The following AUTS2 variants were observed in gnomAD, a reference collection of about 807,000 sequenced individuals.
AUTS2 encodes autism susceptibility gene 2 protein.
AUTS2 carries 17 observed loss-of-function variants against 112.4 expected under a neutral mutation model. The observed-to-expected ratio is 0.15, with a 90% confidence interval of 0.10 to 0.23. AUTS2 has a LOEUF of 0.23. Among genes scored for constraint, AUTS2 ranks in the 10% least tolerant of loss-of-function variants. AUTS2 has a pLI of 1.00. For synonymous variants in AUTS2, 751 were observed against 702.7 expected, an observed-to-expected ratio of 1.07 and a Z score of -1.09; for missense variants, 1,510 against 1,701.6, an observed-to-expected ratio of 0.89 and a Z score of 1.98.
chr7:70,602,436 A>G (rs1056405142), intron 5 of AUTS2, among the ~76,000 whole-genome samples: 9 of 152,136 alleles, frequency 5.9e-5, no homozygotes, highest in Admixed American at 6.5e-5. Context: ...TAATGATGGG[A>G]TGTTTTGATT....
chr7:70,459,206 C>T (rs1170752086), intron 5 of AUTS2, among the ~76,000 whole-genome samples: 2 of 152,122 alleles, frequency 1.3e-5, no homozygotes, highest in African/African-American at 2.4e-5. Flanking sequence ...CTTTTTTCTT[C>T]TTTGTCTCAC....
intron 1 of AUTS2, among the ~76,000 whole-genome samples, chr7:69,844,296 C>A (rs534585990): frequency 1.3e-5 from 2 of 152,112 alleles, no homozygotes; most frequent in African/African-American, 2.4e-5. Flanking sequence ...TTTTTGCCCA[C>A]CTGGTACTTA....
At chr7:69,732,313 A>G (rs765316885) in intron 1 of AUTS2, among the ~76,000 whole-genome samples, 1 of 152,074 alleles carries the variant, frequency 6.6e-6, no homozygotes, top group Non-Finnish European at 1.5e-5. Flanking sequence ...GTGTAGTTAC[A>G]CATAGGTGCT....
At chr7:69,940,550 A>G (rs554451777) in intron 2 of AUTS2, among the ~76,000 whole-genome samples, 45 of 152,270 alleles carry the variant, frequency 3.0e-4, no homozygotes, top group Non-Finnish European at 6.3e-4. Context: ...CCAAATCATG[A>G]AGTCCTCCGT....
intron 1 of AUTS2, among the ~76,000 whole-genome samples, chr7:69,678,996 A>G (rs1004844235): frequency 6.6e-6 from 1 of 152,222 alleles, no homozygotes; most frequent in African/African-American, 2.4e-5. Context: ...TTGGAAGTGG[A>G]AGAAGGGAGA....
chr7:70,025,364 C>CT (rs1042139425), intron 2 of AUTS2, among the ~76,000 whole-genome samples: 6 of 151,772 alleles, frequency 4.0e-5, no homozygotes, highest in African/African-American at 1.5e-4. Flanking sequence ...GCTTGTTTCT[C>CT]TAATATTCCC....
intron 5 of AUTS2, among the ~76,000 whole-genome samples, chr7:70,643,617 C>T (rs570193129): frequency 1.6e-4 from 24 of 152,292 alleles, no homozygotes; most frequent in Non-Finnish European, 3.1e-4. Flanking sequence ...GTTATCTTTC[C>T]TCAACCTCTG....
At position 70,553,760 on chromosome 7, in the gene AUTS2, C is replaced by CTTTTT. The variant is rs71531706; in HGVS notation, c.690+117999_690+118003dup. 2.1e-3 allele frequency among the ~76,000 whole-genome samples: 117 copies of CTTTTT among 56,118 alleles called. 2 individuals carry two copies. Among genetic ancestry groups the CTTTTT allele is most frequent in the East Asian group, 7.0e-3 (13 of 1,870 alleles). 36.8% of individuals were successfully genotyped at this position (56,118 alleles called of 152,430 possible). A position where few individuals can be genotyped will look rare whatever the true frequency, so the allele number is the denominator to read the frequency against. ...GACCTTGAGAAAGAGGCCTTTCTTT[C>CTTTTT]TTTTTTTTTTTTTTTTTTTTTTTTG... On this transcript the variant is annotated intron_variant, in intron 5 of 18. Transcript: ENST00000342771.
chr7:70,014,420 C>G (rs945973166), intron 2 of AUTS2, among the ~76,000 whole-genome samples: 1 of 152,232 alleles, frequency 6.6e-6, no homozygotes, highest in African/African-American at 2.4e-5. Context: ...AGCTTGCCTA[C>G]TCAGACATAA....
intron 5 of AUTS2, among the ~76,000 whole-genome samples, chr7:70,540,217 G>A (rs1800494889): frequency 6.6e-6 from 1 of 152,134 alleles, no homozygotes; most frequent in African/African-American, 2.4e-5. Flanking sequence ...TGTTGGTGGA[G>A]GTGGTGGTCA....
chr7:70,617,859 C>T (rs376530918), intron 5 of AUTS2, among the ~76,000 whole-genome samples: 5 of 152,160 alleles, frequency 3.3e-5, no homozygotes, highest in African/African-American at 7.2e-5. Context: ...CTCTGCACAC[C>T]GCCTCTACTC....
intron 4 of AUTS2, among the ~76,000 whole-genome samples, chr7:70,319,732 G>A (rs1372208237): frequency 2.0e-5 from 3 of 152,172 alleles, no homozygotes; most frequent in Non-Finnish European, 2.9e-5. Context: ...TCCTTTGAAT[G>A]AATAGGTTTG....
intron 1 of AUTS2, among the ~76,000 whole-genome samples, chr7:69,888,563 A>ATATATATC (rs1794381732): frequency 7.0e-6 from 1 of 143,368 alleles, no homozygotes; most frequent in South Asian, 2.2e-4. Context: ...ATATATATAT[A>ATATATATC]TATATATATG....
At chr7:70,123,813 G>A (rs1805817459) in intron 3 of AUTS2, among the ~76,000 whole-genome samples, 1 of 152,142 alleles carries the variant, frequency 6.6e-6, no homozygotes, top group Non-Finnish European at 1.5e-5. Flanking sequence ...GTGAACATTT[G>A]CATGCATGTG....
chr7:70,605,121 A>G (rs1803662760), intron 5 of AUTS2, among the ~76,000 whole-genome samples: 1 of 150,796 alleles, frequency 6.6e-6, no homozygotes, highest in Non-Finnish European at 1.5e-5. Context: ...CATTTTCAAC[A>G]CGTGAAGAAT....
chr7:70,170,094 A>C (rs1240955544), intron 4 of AUTS2, among the ~76,000 whole-genome samples: 2 of 151,972 alleles, frequency 1.3e-5, no homozygotes, highest in Non-Finnish European at 2.9e-5. Context: ...TTTATTAAAA[A>C]AAAAAACTCA....
intron 1 of AUTS2, among the ~76,000 whole-genome samples, chr7:69,667,954 A>G (rs1051194178): frequency 1.1e-4 from 16 of 152,240 alleles, no homozygotes; most frequent in Admixed American, 1.0e-3. Context: ...CTGATGCAAC[A>G]AGCAGCCTTC....
intron 4 of AUTS2, chr7:70,291,743 T>C (rs1441184119): frequency 1.3e-5 from 2 of 152,210 alleles, no homozygotes; most frequent in African/African-American, 4.8e-5. Context: ...TTCTAATCAG[T>C]AATTTTATGA....
At chr7:70,014,384 GA>G (rs1362031172) in intron 2 of AUTS2, among the ~76,000 whole-genome samples, 1 of 152,076 alleles carries the variant, frequency 6.6e-6, no homozygotes, top group African/African-American at 2.4e-5. Context: ...TTTGAAGATG[GA>G]AAAAGAGATA....
Sources: gnomAD v4.1 joint callset for allele counts (sites outside exome capture counted in the v4.1 genomes callset) on GRCh38, gnomAD v4.1.1 for gene constraint, MANE v1.5 for transcripts, NCBI Gene and HGNC (gene_info 2026-07-23, HGNC 2026-07-21) for gene names.